LARGE1: variants seen among roughly 807,000 people sequenced by gnomAD.
LARGE1 encodes the protein LARGE xylosyl- and glucuronyltransferase 1, also known as xylosyl- and glucuronyltransferase LARGE1.
Under a neutral mutation model 87.6 loss-of-function variants are expected in LARGE1, and 43 were observed. That is an observed-to-expected ratio of 0.49 (90% CI 0.38 to 0.63). The LOEUF is 0.63. LARGE1 is among the 30% of genes least tolerant of loss of function. The probability of loss-of-function intolerance (pLI) is 0.00; values close to 1 mark genes in which losing one functional copy is unlikely to be tolerated. For synonymous variants in LARGE1, 434 were observed against 394.6 expected (o/e 1.10, Z -1.18); for missense variants, 802 against 1,000.2 (o/e 0.80, Z 2.67).
chr22:33,479,852 C>A (rs1399293091), intron 6 of LARGE1, among the ~76,000 whole-genome samples: 1 of 150,826 alleles, frequency 6.6e-6, no homozygotes, highest in East Asian at 2.0e-4. Flanking sequence ...TTAAGCAATT[C>A]TCGTGCCTCA....
chr22:33,729,427 TA>T (rs2083383516), intron 2 of LARGE1, among the ~76,000 whole-genome samples: 2 of 152,232 alleles, frequency 1.3e-5, no homozygotes, highest in Admixed American at 1.3e-4. Context: ...TCAAGGGATA[TA>T]AACTATCACT....
chr22:33,747,815 A>T (rs1159220732), intron 2 of LARGE1: 1 of 152,172 alleles, frequency 6.6e-6, no homozygotes, highest in Non-Finnish European at 1.5e-5. Context: ...CAGTGACCTC[A>T]TCTGAAATGG....
rs572522047 is a variant in LARGE1, at chr22:33,432,930, G to C, written c.788-665C>G. On this transcript the variant is annotated intron_variant, in intron 6 of 14. Coordinates refer to ENST00000397394, the MANE Select transcript of LARGE1 (RefSeq NM_133642.5). Reference sequence around the variant, plus strand: ...CAAGAGTGTTGTCTAGATAACAACTGCTCCTCTGTCCCCAGAGCTGGCGTT... The same window carrying C: ...CAAGAGTGTTGTCTAGATAACAACTCCTCCTCTGTCCCCAGAGCTGGCGTT... Among the ~76,000 whole-genome samples the C allele has an allele frequency of 7.2e-5, 11 of 152,286 alleles. No individual in the cohort carries two copies. The South Asian group carries it at 2.3e-3, about 32-fold the overall frequency.
intron 5 of LARGE1, among the ~76,000 whole-genome samples, chr22:33,569,403 C>T (rs1416387172): frequency 6.6e-6 from 1 of 152,210 alleles, no homozygotes; most frequent in Non-Finnish European, 1.5e-5. Context: ...TTAATCTCAA[C>T]ATGAGCCCAG....
chr22:33,202,307 G>A (rs1303075205), intron 11 of LARGE1, among the ~76,000 whole-genome samples: 1 of 152,128 alleles, frequency 6.6e-6, no homozygotes, highest in African/African-American at 2.4e-5. Context: ...CAGAGTCTGT[G>A]CCACATTCAG....
chr22:33,806,586 C>T (rs1380453328), intron 1 of LARGE1, among the ~76,000 whole-genome samples: 5 of 152,152 alleles, frequency 3.3e-5, no homozygotes, highest in East Asian at 1.9e-4. Flanking sequence ...TCCTTGAAAA[C>T]GGGGCAAGAG....
At chr22:33,771,917 C>A (rs1205158393) in intron 1 of LARGE1, among the ~76,000 whole-genome samples, 2 of 152,232 alleles carry the variant, frequency 1.3e-5, no homozygotes, top group African/African-American at 2.4e-5. Flanking sequence ...CAAATTTCTG[C>A]TATTCCATGC....
chr22:33,412,129 C>A (rs1197125590), intron 7 of LARGE1, among the ~76,000 whole-genome samples: 1 of 152,084 alleles, frequency 6.6e-6, no homozygotes, highest in Non-Finnish European at 1.5e-5. Context: ...ACTAAAAGTA[C>A]AAAAATTAGC....
chr22:33,430,751 A>AC, intron 7 of LARGE1, among the ~76,000 whole-genome samples: 1 of 151,686 alleles, frequency 6.6e-6, no homozygotes, highest in African/African-American at 2.4e-5. Context: ...TCTAGCTTTG[A>AC]CCCCCACTCT....
chr22:33,734,778 T>C (rs1211262959), intron 2 of LARGE1, among the ~76,000 whole-genome samples: 9 of 152,076 alleles, frequency 5.9e-5, no homozygotes, highest in Admixed American at 5.9e-4. Flanking sequence ...CCCACCTCTG[T>C]TTAAACTGGG....
intron 1 of LARGE1, chr22:33,856,844 G>A (rs2063769504): frequency 6.6e-6 from 1 of 152,156 alleles, no homozygotes; most frequent in Non-Finnish European, 1.5e-5. Flanking sequence ...GTTGTCAGAT[G>A]AACCTGTCTG....
chr22:33,588,712 G>C (rs866097964), intron 5 of LARGE1, among the ~76,000 whole-genome samples: 47 of 152,196 alleles, frequency 3.1e-4, no homozygotes, highest in African/African-American at 1.1e-3. Context: ...GAGAAGATGA[G>C]GCCCATGGCC....
chr22:33,509,541 C>G (rs1254985143), intron 6 of LARGE1, among the ~76,000 whole-genome samples: 2 of 151,990 alleles, frequency 1.3e-5, no homozygotes, highest in African/African-American at 4.8e-5. Flanking sequence ...ATCTTAAAGC[C>G]CTGGGCTCAA....
At chr22:33,606,467 T>C (rs189665534) in intron 4 of LARGE1, among the ~76,000 whole-genome samples, 180 of 130,730 alleles carry the variant, frequency 1.4e-3, no homozygotes, top group Admixed American at 3.1e-3. Context: ...CAGACTAGAC[T>C]TCAGGGAGGT....
intron 7 of LARGE1, among the ~76,000 whole-genome samples, chr22:33,391,254 T>A (rs888818855): frequency 3.9e-5 from 6 of 152,184 alleles, no homozygotes; most frequent in African/African-American, 1.4e-4. Context: ...TTCTATTCAT[T>A]AGTTAACTGG....
chr22:33,243,232 C>T (rs971711444), intron 11 of LARGE1, among the ~76,000 whole-genome samples: 2 of 152,160 alleles, frequency 1.3e-5, no homozygotes, highest in African/African-American at 4.8e-5. Flanking sequence ...TCAAAACATA[C>T]TTTTAAGTAA....
intron 4 of LARGE1, among the ~76,000 whole-genome samples, chr22:33,609,292 T>C (rs575719428): frequency 5.3e-5 from 8 of 152,294 alleles, no homozygotes; most frequent in African/African-American, 1.7e-4. Context: ...ACAGCTGAGC[T>C]TGGGAATGGC....
intron 2 of LARGE1, among the ~76,000 whole-genome samples, chr22:33,728,145 C>G (rs1191774503): frequency 1.3e-5 from 2 of 152,190 alleles, no homozygotes; most frequent in Non-Finnish European, 2.9e-5. Context: ...ACTTCAGTAG[C>G]CCCAACTCCA....
chr22:33,426,553 T>A (rs2066886032), intron 7 of LARGE1, among the ~76,000 whole-genome samples: 3 of 152,208 alleles, frequency 2.0e-5, no homozygotes, highest in African/African-American at 7.2e-5. Flanking sequence ...TTTCTATTTA[T>A]CCCACTAAAG....
Sources: allele counts gnomAD v4.1 joint callset (sites outside exome capture counted in the v4.1 genomes callset), GRCh38; gene constraint gnomAD v4.1.1; transcripts MANE v1.5; gene names NCBI Gene and HGNC (gene_info 2026-07-23, HGNC 2026-07-21).